Variants in HTR1F observed in about 807,000 individuals in gnomAD.
HTR1F encodes 5-hydroxytryptamine receptor 1F.
Under a neutral mutation model 24.0 loss-of-function variants are expected in HTR1F, and 17 were observed. The observed-to-expected ratio is 0.71, with a 90% CI of 0.48 to 1.06. The LOEUF is 1.06. HTR1F is among the 50% of genes least tolerant of loss of function. HTR1F has a pLI of 0.00. For missense variants in HTR1F, 391 were observed against 427.8 expected (o/e 0.91, Z 0.76); for synonymous variants, 186 against 156.8 (o/e 1.19, Z -1.39).
chr3:87,933,496 T>C (rs767775126), intron 2 of HTR1F, among the ~76,000 whole-genome samples: 12 of 152,238 alleles, frequency 7.9e-5, no homozygotes, highest in Non-Finnish European at 1.6e-4. Context: ...GATAAGCAAC[T>C]TCAGCAAAGT....
intron 2 of HTR1F, among the ~76,000 whole-genome samples, chr3:87,946,402 A>C (rs935487541): frequency 9.8e-4 from 149 of 152,242 alleles, no homozygotes; most frequent in African/African-American, 3.5e-3. Context: ...TAAAAATATA[A>C]TCAAATAAAA....
rs143238831 is a variant in HTR1F at position 87,797,512 on chromosome 3, G to C, written c.-160+4670G>C. On this transcript the variant is annotated intron_variant, in intron 1 of 2. Transcript: ENST00000319595. Reference sequence around the variant, plus strand: ...CATATTTTAAAAACAGTAGACAATAGTAGTTTCCTACAAGGAAGGAAACTG... The same window carrying C: ...CATATTTTAAAAACAGTAGACAATACTAGTTTCCTACAAGGAAGGAAACTG... Among the ~76,000 whole-genome samples, 686 of 152,248 alleles carry C rather than the reference G, an allele frequency of 4.5e-3. 5 individuals are homozygous for C. The highest frequency in any genetic ancestry group is 0.015 in the African/African-American group (618 of 41,552).
chr3:87,886,883 G>T (rs531663336), intron 2 of HTR1F, among the ~76,000 whole-genome samples: 1 of 152,162 alleles, frequency 6.6e-6, no homozygotes, highest in African/African-American at 2.4e-5. Flanking sequence ...TCAATATCGT[G>T]AAAATGGCCA....
chr3:87,968,053 G>A (rs951796509), intron 2 of HTR1F, among the ~76,000 whole-genome samples: 3 of 152,174 alleles, frequency 2.0e-5, no homozygotes, highest in African/African-American at 7.2e-5. Flanking sequence ...TAAAGTCCAG[G>A]CTGAAGTAGT....
intron 2 of HTR1F, among the ~76,000 whole-genome samples, 52 bp downstream of exon 2, chr3:87,822,176 A>G (rs549663154): frequency 6.7e-6 from 1 of 150,062 alleles, no homozygotes; most frequent in African/African-American, 2.4e-5. Flanking sequence ...ACAATTAGTG[A>G]AAAAAAAAAT....
intron 1 of HTR1F, among the ~76,000 whole-genome samples, chr3:87,802,844 G>A (rs548645129): frequency 2.0e-5 from 3 of 152,040 alleles, no homozygotes; most frequent in South Asian, 2.1e-4. Context: ...ATAATAAGTC[G>A]CAGATTTGGA....
rs915347658 is a variant in HTR1F at position 87,900,174 on chromosome 3, G to C, written c.-43+78050G>C. 5.0e-4 allele frequency among the ~76,000 whole-genome samples: 76 copies of C among 152,230 alleles called. 1 individual carries two copies. The highest frequency in any genetic ancestry group is 1.7e-3 in the African/African-American group (70 of 41,554). Reference sequence around the variant, plus strand: ...AAAGAAAAGGAAGTAAGGAGGCAAGGGAGTAGAATAATGTTATAATTTTAA... The same window carrying C: ...AAAGAAAAGGAAGTAAGGAGGCAAGCGAGTAGAATAATGTTATAATTTTAA... On this transcript the variant is annotated intron_variant, in intron 2 of 2. Coordinates refer to ENST00000319595, the MANE Select transcript of HTR1F (RefSeq NM_001322209.2).
At chr3:87,885,026 G>A (rs140894641) in intron 2 of HTR1F, among the ~76,000 whole-genome samples, 13 of 152,054 alleles carry the variant, frequency 8.5e-5, no homozygotes, top group East Asian at 5.8e-4. Flanking sequence ...TCCCCAAATC[G>A]ACAGAATATA....
intron 2 of HTR1F, among the ~76,000 whole-genome samples, chr3:87,929,305 C>T (rs1239488180): frequency 1.3e-5 from 2 of 152,178 alleles, no homozygotes; most frequent in African/African-American, 2.4e-5. Flanking sequence ...GGCAGAGCCT[C>T]TTTCCGTTGC....
chr3:87,863,184 A>C (rs942400136), intron 2 of HTR1F, among the ~76,000 whole-genome samples: 2 of 152,160 alleles, frequency 1.3e-5, no homozygotes, highest in African/African-American at 4.8e-5. Context: ...TTTCTGAAGG[A>C]TTAGCAAAAG....
At chr3:87,934,913 T>G (rs562640268) in intron 2 of HTR1F, among the ~76,000 whole-genome samples, 1 of 152,294 alleles carries the variant, frequency 6.6e-6, no homozygotes, top group African/African-American at 2.4e-5. Flanking sequence ...TCACCCAAGC[T>G]AGAGTGCAGT....
intron 2 of HTR1F, among the ~76,000 whole-genome samples, chr3:87,872,325 C>T (rs959652866): frequency 6.6e-6 from 1 of 151,986 alleles, no homozygotes; most frequent in Non-Finnish European, 1.5e-5. Context: ...AAATCAACAA[C>T]CTGACTTATT....
At chr3:87,941,410 C>T (rs1216329539) in intron 2 of HTR1F, among the ~76,000 whole-genome samples, 6 of 152,126 alleles carry the variant, frequency 3.9e-5, no homozygotes, top group African/African-American at 1.4e-4. Context: ...AAGTATTTAA[C>T]CTGCTGTAAG....
chr3:87,973,085 C>T (rs920432850), intron 2 of HTR1F, among the ~76,000 whole-genome samples: 6 of 151,944 alleles, frequency 3.9e-5, no homozygotes, highest in Admixed American at 1.3e-4. Flanking sequence ...GCAGGAGAAT[C>T]GCTTGAACCC....
At chr3:87,925,236 T>G (rs1983075) in intron 2 of HTR1F, among the ~76,000 whole-genome samples, 66,567 of 151,804 alleles carry the variant, frequency 0.44, 15,587 homozygotes, top group African/African-American at 0.61. Flanking sequence ...GGTCAAGGGA[T>G]TGGGGCGACC....
intron 2 of HTR1F, among the ~76,000 whole-genome samples, chr3:87,922,934 A>T (rs1353609595): frequency 6.7e-6 from 1 of 148,498 alleles, no homozygotes; most frequent in Non-Finnish European, 1.5e-5. Flanking sequence ...ACCCATTTCG[A>T]GTTAATTTTT....
Position 87,993,793 on chromosome 3 carries a change from T to A in HTR1F, c.*1943T>A, listed in dbSNP as rs573419539. ...TGACGATGGGTAATCACTGATACTT[T>A]TAGCAAAAATATTACAAGTTTAGAG... On this transcript the variant is annotated 3_prime_UTR_variant, in exon 3 of 3. Transcript: ENST00000319595. 2 of 166,658 alleles carry A rather than the reference T, an allele frequency of 1.2e-5. No homozygotes were observed. The highest frequency in any genetic ancestry group is 2.9e-5 in the Non-Finnish European group (2 of 68,070). The allele number at this position is 166,658 out of a possible 1,614,324, so 10.3% of individuals were successfully genotyped here.
intron 2 of HTR1F, among the ~76,000 whole-genome samples, chr3:87,868,537 T>G (rs1193114541): frequency 6.6e-6 from 1 of 151,854 alleles, no homozygotes; most frequent in African/African-American, 2.4e-5. Context: ...ATATATTCTG[T>G]TTTTAGGTAA....
At position 87,846,161 on chromosome 3, in the gene HTR1F, G is replaced by A. The variant is rs935443476; in HGVS notation, c.-43+24037G>A. ...TATAAAAGTAGTATGGGCCGGGTGC[G>A]GTGGCTCACGCCTGTAATCCCAGCA... On this transcript the variant is annotated intron_variant, in intron 2 of 2. Coordinates refer to ENST00000319595, the MANE Select transcript of HTR1F (RefSeq NM_001322209.2). 2.1e-4 allele frequency among the ~76,000 whole-genome samples: 32 copies of A among 152,034 alleles called. 1 individual carries two copies. Among genetic ancestry groups the A allele is most frequent in the African/African-American group, 6.3e-4 (26 of 41,328 alleles).
Sources: gnomAD v4.1 joint callset for allele counts (sites outside exome capture counted in the v4.1 genomes callset) on GRCh38, gnomAD v4.1.1 for gene constraint, MANE v1.5 for transcripts, NCBI Gene and HGNC (gene_info 2026-07-23, HGNC 2026-07-21) for gene names.